The following ARHGAP22 variants were observed in gnomAD, a reference collection of about 807,000 sequenced individuals.
ARHGAP22 encodes Rho GTPase activating protein 22.
A neutral mutation model predicts 59.1 loss-of-function variants in ARHGAP22; 48 were observed. That is an observed-to-expected ratio of 0.81 (90% CI 0.64 to 1.03). The LOEUF (loss-of-function observed/expected upper bound fraction) is 1.03. ARHGAP22 is among the 50% of genes least tolerant of loss of function. The pLI is 0.00. For synonymous variants in ARHGAP22, 445 were observed against 416.4 expected, an observed-to-expected ratio of 1.07 and a Z score of -0.84; for missense variants, 1,015 against 958.7, an observed-to-expected ratio of 1.06 and a Z score of -0.78.
intron 3 of ARHGAP22, among the ~76,000 whole-genome samples, chr10:48,492,312 A>G (rs889630135): frequency 2.6e-5 from 4 of 152,232 alleles, no homozygotes; most frequent in Admixed American, 1.3e-4. Flanking sequence ...GCAGCAATGT[A>G]TGATTTGTCA....
In ARHGAP22 at chr10:48,634,042, G is replaced by C. The variant is rs78435575; in HGVS notation, c.52+18192C>G. Among the ~76,000 whole-genome samples the C allele has an allele frequency of 8.7e-3, 1,331 of 152,310 alleles. 19 individuals carry two copies. Among genetic ancestry groups the C allele is most frequent in the African/African-American group, 0.03 (1,261 of 41,570 alleles). On this transcript the variant is annotated intron_variant, in intron 1 of 9. Transcript: ENST00000435790. ...TCCCACGCTTGTTTCTATGATAACT[G>C]GCAGGAAGTGTTATCTGCTAGCCAG...
intron 2 of ARHGAP22, among the ~76,000 whole-genome samples, chr10:48,559,702 T>C (rs1341221242): frequency 6.6e-6 from 1 of 152,242 alleles, no homozygotes; most frequent in African/African-American, 2.4e-5. Flanking sequence ...TTAACATCCC[T>C]TATCCACTTT....
intron 2 of ARHGAP22, among the ~76,000 whole-genome samples, chr10:48,556,141 C>G (rs2057295369): frequency 6.6e-6 from 1 of 152,146 alleles, no homozygotes. Context: ...GGTCTGGCAG[C>G]TGGGCTGAAA....
At chr10:48,623,657 AG>A (rs1175850940) in intron 1 of ARHGAP22, among the ~76,000 whole-genome samples, 2 of 152,166 alleles carry the variant, frequency 1.3e-5, no homozygotes, top group Non-Finnish European at 2.9e-5. Flanking sequence ...TTGAAGTAAA[AG>A]GGTGACCTGG....
chr10:48,521,971 C>G (rs762120359), intron 3 of ARHGAP22, among the ~76,000 whole-genome samples: 1 of 152,212 alleles, frequency 6.6e-6, no homozygotes, highest in Non-Finnish European at 1.5e-5. Context: ...ATAACCCTTC[C>G]CGTGTTTATT....
chr10:48,538,187 C>T (rs991765193), intron 3 of ARHGAP22, among the ~76,000 whole-genome samples: 1 of 152,144 alleles, frequency 6.6e-6, no homozygotes. Flanking sequence ...CTTCCAGGTT[C>T]CCTAGAAACC....
chr10:48,595,186 G>T (rs558525616), intron 1 of ARHGAP22, among the ~76,000 whole-genome samples: 1 of 152,306 alleles, frequency 6.6e-6, no homozygotes, highest in South Asian at 2.1e-4. Flanking sequence ...GGACAAGAGA[G>T]CTAAAACACA....
upstream of ARHGAP22, among the ~76,000 whole-genome samples, chr10:48,654,456 C>A (rs1014409084): frequency 1.1e-4 from 16 of 152,218 alleles, no homozygotes; most frequent in African/African-American, 2.9e-4. Flanking sequence ...CCACCCAAAC[C>A]AATGCAATGT....
At chr10:48,560,107 A>T (rs1417242098) in intron 2 of ARHGAP22, among the ~76,000 whole-genome samples, 3 of 152,236 alleles carry the variant, frequency 2.0e-5, no homozygotes, top group Non-Finnish European at 4.4e-5. Context: ...TTTGCTAACC[A>T]TCTGATCTTA....
At chr10:48,520,496 G>A (rs1040831662) in intron 3 of ARHGAP22, among the ~76,000 whole-genome samples, 1 of 152,200 alleles carries the variant, frequency 6.6e-6, no homozygotes. Flanking sequence ...GGGGGGCCAG[G>A]ATGAGTGGGG....
At chr10:48,655,260 G>GT (rs2062771032), upstream of ARHGAP22, among the ~76,000 whole-genome samples, 2 of 137,668 alleles carry the variant, frequency 1.5e-5, 1 homozygote, top group African/African-American at 5.9e-5. Context: ...TGTGTGTGGG[G>GT]GGGGGGGGGG....
upstream of ARHGAP22, among the ~76,000 whole-genome samples, chr10:48,609,852 T>C (rs2060814948): frequency 6.6e-6 from 1 of 152,218 alleles, no homozygotes; most frequent in African/African-American, 2.4e-5. Context: ...AAATATCATC[T>C]ATATACGAAA....
intron 2 of ARHGAP22, among the ~76,000 whole-genome samples, chr10:48,564,159 A>G (rs1445167): frequency 0.13 from 19,909 of 152,242 alleles, 2,461 homozygotes; most frequent in African/African-American, 0.33. Flanking sequence ...GTAACCTTGT[A>G]TTGAATTTTA....
the ARHGAP22 span, among the ~76,000 whole-genome samples, chr10:48,439,630 T>G: frequency 6.6e-6 from 1 of 152,150 alleles, no homozygotes; most frequent in Non-Finnish European, 1.5e-5. Context: ...GGTAGACATA[T>G]GAGAGAACAG....
chr10:48,583,797 T>C (rs2059261331), intron 1 of ARHGAP22, among the ~76,000 whole-genome samples: 1 of 152,144 alleles, frequency 6.6e-6, no homozygotes, highest in Admixed American at 6.5e-5. Context: ...ACAGCGGGGC[T>C]TCTTCTTCAG....
chr10:48,617,617 A>G (rs914471779), intron 1 of ARHGAP22, among the ~76,000 whole-genome samples: 8 of 152,020 alleles, frequency 5.3e-5, no homozygotes, highest in Non-Finnish European at 1.2e-4. Context: ...GGATTGATAA[A>G]GACATTTAAA....
intron 3 of ARHGAP22, among the ~76,000 whole-genome samples, chr10:48,497,565 G>C (rs189229214): frequency 6.6e-6 from 1 of 152,162 alleles, no homozygotes; most frequent in South Asian, 2.1e-4. Context: ...TTGAGGCCTC[G>C]CAGTGTGCTG....
intron 3 of ARHGAP22, among the ~76,000 whole-genome samples, chr10:48,503,640 G>A (rs186422319): frequency 7.2e-5 from 11 of 152,356 alleles, no homozygotes; most frequent in Non-Finnish European, 1.3e-4. Context: ...ATGGTGCCGG[G>A]AGAAGCCCAG....
intron 1 of ARHGAP22, among the ~76,000 whole-genome samples, chr10:48,647,498 A>G (rs573685560): frequency 2.0e-5 from 3 of 152,358 alleles, no homozygotes; most frequent in South Asian, 2.1e-4. Flanking sequence ...CAAATCCCCA[A>G]TAAAATACCA....
Sources: allele counts gnomAD v4.1 joint callset (sites outside exome capture counted in the v4.1 genomes callset), GRCh38; gene constraint gnomAD v4.1.1; transcripts MANE v1.5; gene names NCBI Gene and HGNC (gene_info 2026-07-23, HGNC 2026-07-21).